Variants in ITGAV observed in about 807,000 individuals in gnomAD.
The protein encoded by ITGAV is integrin alpha-V.
In ITGAV, 76 loss-of-function variants were observed where a neutral mutation model predicts 143.8. The observed-to-expected ratio is 0.53, with a 90% CI of 0.44 to 0.64. ITGAV has a LOEUF of 0.64. Among genes scored for constraint, ITGAV ranks in the 30% least tolerant of loss-of-function variants. The pLI, the probability that ITGAV is intolerant of heterozygous loss-of-function variation, is 0.00. For synonymous variants in ITGAV, 453 were observed against 446.7 expected (o/e 1.01, Z -0.18); for missense variants, 1,193 against 1,274.7 (o/e 0.94, Z 0.98).
At chr2:186,616,404 A>G (rs4016814) in intron 2 of ITGAV, among the ~76,000 whole-genome samples, 149,091 of 150,144 alleles carry the variant, frequency 0.99, 74,028 homozygotes, top group Middle Eastern at 1. Flanking sequence ...TCAGCCTCCC[A>G]AGCAGCTGGG....
At chr2:186,641,729 A>G (rs978922277) in intron 12 of ITGAV, 141 bp downstream of exon 12, 10 of 640,798 alleles carry the variant, frequency 1.6e-5, no homozygotes, top group African/African-American at 1.3e-4. Context: ...TAACACACCA[A>G]ATTTAAAGAC....
chr2:186,643,899 A>G (rs1428063526), intron 12 of ITGAV, among the ~76,000 whole-genome samples: 1 of 152,218 alleles, frequency 6.6e-6, no homozygotes, highest in Non-Finnish European at 1.5e-5. Context: ...ACAGTCACTC[A>G]ACGTTGGAGC....
At chr2:186,639,411 T>C (rs1210517715) in intron 10 of ITGAV, among the ~76,000 whole-genome samples, 1 of 152,142 alleles carries the variant, frequency 6.6e-6, no homozygotes, top group African/African-American at 2.4e-5. Context: ...GCAGTCAAGA[T>C]TGATGCACAA....
intron 1 of ITGAV, among the ~76,000 whole-genome samples, chr2:186,592,764 T>A (rs898025215): frequency 6.6e-6 from 1 of 152,180 alleles, no homozygotes; most frequent in Non-Finnish European, 1.5e-5. Flanking sequence ...TGGGTTTGGT[T>A]GCATATAATA....
At chr2:186,667,904 A>G in intron 24 of ITGAV, 128 bp downstream of exon 24, 1 of 435,300 alleles carries the variant, frequency 2.3e-6, no homozygotes, top group East Asian at 3.3e-5. Flanking sequence ...AGTATGTGTC[A>G]GAGATTTCTT....
intron 13 of ITGAV, among the ~76,000 whole-genome samples, chr2:186,649,083 C>T (rs9753297): frequency 0.75 from 106,788 of 143,242 alleles, 39,833 homozygotes; most frequent in African/African-American, 0.85. Flanking sequence ...TTTTGTGTCT[C>T]TTTTTTCTTC....
At chr2:186,668,597 G>C in intron 24 of ITGAV, 165 bp from the exon 25 acceptor site, 1 of 606,766 alleles carries the variant, frequency 1.6e-6, no homozygotes, top group South Asian at 2.0e-5. Context: ...TGTTGAGTTT[G>C]ATCATTTTTG....
At chr2:186,636,329 A>G in intron 7 of ITGAV, 122 bp downstream of exon 7, 1 of 748,908 alleles carries the variant, frequency 1.3e-6, no homozygotes. Flanking sequence ...TGAAACATAC[A>G]GAATATACAA....
In ITGAV at chr2:186,625,650, TA is replaced by T. The variant is rs1687652972; in HGVS notation, c.523+64del. On this transcript the variant is annotated intron_variant, in intron 4 of 29. Coordinates refer to ENST00000261023, the MANE Select transcript of ITGAV (RefSeq NM_002210.5). Reference sequence around the variant, plus strand: ...GGTGGGAAGCCTAGTTTGTTAAAAATATGTGTGTGTGGGTGTGTGTGTGTGT... The same window carrying T: ...GGTGGGAAGCCTAGTTTGTTAAAAATTGTGTGTGTGGGTGTGTGTGTGTGT... The T allele has an allele frequency of 1.4e-5, 11 of 775,032 alleles. 1 individual carries two copies. The allele number at this position is 775,032 out of a possible 1,614,324, so 48.0% of individuals were successfully genotyped here.
chr2:186,623,036 A>T (rs1438308146), intron 3 of ITGAV, among the ~76,000 whole-genome samples: 1 of 152,142 alleles, frequency 6.6e-6, no homozygotes, highest in African/African-American at 2.4e-5. Context: ...TCTCTTTGAA[A>T]ATACGACACG....
At chr2:186,662,165 T>G (rs1553505037) in intron 18 of ITGAV, among the ~76,000 whole-genome samples, 1 of 152,188 alleles carries the variant, frequency 6.6e-6, no homozygotes, top group Non-Finnish European at 1.5e-5. Flanking sequence ...ACATTCTAAC[T>G]GGGAATGTTA....
chr2:186,647,085 C>T (rs961693520), intron 13 of ITGAV, among the ~76,000 whole-genome samples: 4 of 152,152 alleles, frequency 2.6e-5, no homozygotes, highest in African/African-American at 9.7e-5. Flanking sequence ...GTACAGTGTA[C>T]TCTGAGTTTC....
rs747853522 is a variant in ITGAV at position 186,675,935 on chromosome 2, A to T, written c.2928+8A>T. On this transcript the variant is annotated splice_region_variant and intron_variant, in intron 28 of 29. Transcript: ENST00000261023. ...ATCACCAACTCCACATTGGTAAGTC[A>T]TTGGTTTAGGCAAATAGAATAAATT... 23 of 1,412,440 alleles carry T rather than the reference A, an allele frequency of 1.6e-5. No individual in the cohort carries two copies. The Admixed American group carries it at 3.7e-4, about 23-fold the overall frequency. 87.5% of individuals were successfully genotyped at this position (1,412,440 alleles called of 1,614,324 possible). A position where few individuals can be genotyped will look rare whatever the true frequency, so the allele number is the denominator to read the frequency against.
intron 3 of ITGAV, among the ~76,000 whole-genome samples, chr2:186,622,728 T>C (rs532731337): frequency 6.6e-6 from 1 of 152,318 alleles, no homozygotes; most frequent in South Asian, 2.1e-4. Flanking sequence ...TGGCTTTGGC[T>C]AACAAGTGCT....
In ITGAV at chr2:186,636,093, T is replaced by G. The variant is rs1687938911; in HGVS notation, c.643T>G (p.Ser215Ala). The stretch of plus-strand genomic sequence containing the variant: ...ACACCCTTTTTTAGGTCAGCTTATT[T>G]CGGATCAAGTGGCAGAAATCGTATC... ...GSFYWQGQLI[S>A]DQVAEIVSKY... is the part of the protein sequence containing the mutation. Residue 215 changes from serine to alanine, a missense_variant, in exon 7 of 30, where the codon TCG (serine) becomes GCG (alanine). Transcript: ENST00000261023. 6.2e-7 allele frequency: 1 copy of G among 1,612,704 alleles called. No individual in the cohort carries two copies. Among genetic ancestry groups the G allele is most frequent in the Non-Finnish European group, 8.5e-7 (1 of 1,179,492 alleles).
intron 1 of ITGAV, among the ~76,000 whole-genome samples, chr2:186,592,541 G>A (rs1365448054): frequency 1.3e-5 from 2 of 150,544 alleles, no homozygotes; most frequent in Non-Finnish European, 2.9e-5. Flanking sequence ...TGAGTTTAGT[G>A]TAAGATAAAT....
At chr2:186,635,878 T>G (rs1687933151) in intron 6 of ITGAV, among the ~76,000 whole-genome samples, 3 of 152,210 alleles carry the variant, frequency 2.0e-5, no homozygotes, top group African/African-American at 7.2e-5. Flanking sequence ...AGAGACTACT[T>G]TTAAGTACTG....
rs56789925 is a variant in ITGAV, at chr2:186,598,294, TACACACACAC to T, written c.186-3701_186-3692del. Among the ~76,000 whole-genome samples the T allele has an allele frequency of 7.7e-3, 1,135 of 147,954 alleles. 8 individuals are homozygous for T. The highest frequency in any genetic ancestry group is 0.02 in the South Asian group (93 of 4,598). ...TAATAAATTTACATATTATAATTTA[TACACACACAC>T]ACACACACACACACACACACACACA... On this transcript the variant is annotated intron_variant, in intron 1 of 29. Transcript: ENST00000261023.
chr2:186,593,402 C>T (rs1291008073), intron 1 of ITGAV, among the ~76,000 whole-genome samples: 3 of 151,016 alleles, frequency 2.0e-5, no homozygotes, highest in Non-Finnish European at 4.4e-5. Flanking sequence ...GAGTCAGGTT[C>T]GAAGTAAAAA....
Sources: gnomAD v4.1 joint callset for allele counts (sites outside exome capture counted in the v4.1 genomes callset) on GRCh38, gnomAD v4.1.1 for gene constraint, MANE v1.5 for transcripts, NCBI Gene and HGNC (gene_info 2026-07-23, HGNC 2026-07-21) for gene names.